Variants in DLGAP2 observed in about 807,000 individuals in gnomAD.
DLGAP2 encodes disks large-associated protein 2.
In DLGAP2, 26 loss-of-function variants were observed where a neutral mutation model predicts 100.3. The ratio of observed to expected loss-of-function variants is 0.26; its 90% CI spans 0.19 to 0.36. The LOEUF (loss-of-function observed/expected upper bound fraction) is 0.36. Among genes scored for constraint, DLGAP2 ranks in the 10% least tolerant of loss-of-function variants. The probability of loss-of-function intolerance (pLI) is 1.00; values close to 1 mark genes in which losing one functional copy is unlikely to be tolerated. For synonymous variants in DLGAP2, 886 were observed against 630.1 expected, an observed-to-expected ratio of 1.41 and a Z score of -6.08; for missense variants, 1,858 against 1,453.2, an observed-to-expected ratio of 1.28 and a Z score of -4.53.
intron 2 of DLGAP2, among the ~76,000 whole-genome samples, chr8:1,185,595 C>A (rs1240832903): frequency 6.6e-6 from 1 of 152,086 alleles, no homozygotes; most frequent in East Asian, 1.9e-4. Flanking sequence ...CTAATTCCAT[C>A]ATGCAAAATG....
intron 2 of DLGAP2, among the ~76,000 whole-genome samples, chr8:943,472 G>A (rs1257878392): frequency 2.6e-5 from 4 of 152,262 alleles, no homozygotes; most frequent in African/African-American, 9.6e-5. Context: ...GTGTGTGGAC[G>A]TCATGACGCG....
intron 3 of DLGAP2, among the ~76,000 whole-genome samples, chr8:1,326,802 C>T (rs1416088961): frequency 6.6e-6 from 1 of 152,252 alleles, no homozygotes; most frequent in African/African-American, 2.4e-5. Flanking sequence ...CATTTCTTCA[C>T]ATGACTCTGA....
intron 1 of DLGAP2, among the ~76,000 whole-genome samples, chr8:808,837 A>G (rs867758837): frequency 6.6e-5 from 10 of 151,948 alleles, no homozygotes; most frequent in Non-Finnish European, 1.2e-4. Context: ...TTTAGCCAGT[A>G]ATAACCCTTA....
rs1303328219 is a variant in DLGAP2 at position 1,501,449 on chromosome 8, GC to G, written c.172+22del. On this transcript the variant is annotated intron_variant, in intron 4 of 14. Coordinates refer to ENST00000637795, the MANE Select transcript of DLGAP2 (RefSeq NM_001346810.2). ...GGATCTAGGTAGAGTACAGACGTCA[GC>G]CCCGCTCTGGCGGGGCCCGGACAGA... 7 of 1,535,310 alleles carry G rather than the reference GC, an allele frequency of 4.6e-6. 1 individual carries two copies. Among genetic ancestry groups the G allele is most frequent in the Middle Eastern group, 1.7e-4 (1 of 5,868 alleles).
intron 3 of DLGAP2, among the ~76,000 whole-genome samples, chr8:1,366,047 C>T (rs764336884): frequency 3.3e-5 from 5 of 152,232 alleles, no homozygotes; most frequent in Non-Finnish European, 7.3e-5. Flanking sequence ...TCCCAGGAAC[C>T]GCAGCCGGGC....
intron 13 of DLGAP2, among the ~76,000 whole-genome samples, chr8:1,693,337 T>A (rs909640540): frequency 6.7e-6 from 1 of 150,280 alleles, no homozygotes; most frequent in Non-Finnish European, 1.5e-5. Context: ...TAAGTTTACA[T>A]ATACATGTTA....
chr8:1,700,083 C>A (rs7013580), intron 14 of DLGAP2, among the ~76,000 whole-genome samples: 1 of 151,968 alleles, frequency 6.6e-6, no homozygotes. Flanking sequence ...GGCCTAGTCA[C>A]GTAAAACAAG....
At chr8:1,489,170 A>G (rs1416477957) in intron 3 of DLGAP2, among the ~76,000 whole-genome samples, 2 of 152,230 alleles carry the variant, frequency 1.3e-5, no homozygotes, top group Non-Finnish European at 2.9e-5. Context: ...CCTGGGAAAC[A>G]ACATTCCATG....
chr8:1,290,037 T>C (rs530580610), intron 3 of DLGAP2, among the ~76,000 whole-genome samples: 9 of 152,246 alleles, frequency 5.9e-5, no homozygotes, highest in South Asian at 2.1e-4. Context: ...AACTAACCAC[T>C]GTTCAGGGTC....
At chr8:800,192 C>G (rs552336782) in intron 1 of DLGAP2, among the ~76,000 whole-genome samples, 2 of 152,174 alleles carry the variant, frequency 1.3e-5, no homozygotes, top group Non-Finnish European at 2.9e-5. Flanking sequence ...TGGGTCCTGC[C>G]AGGCTCCAGG....
chr8:1,606,704 A>G (rs1299313373), intron 6 of DLGAP2, among the ~76,000 whole-genome samples: 1 of 152,072 alleles, frequency 6.6e-6, no homozygotes, highest in African/African-American at 2.4e-5. Context: ...GTTTTCTGAG[A>G]TGAGGTCTCA....
intron 2 of DLGAP2, among the ~76,000 whole-genome samples, chr8:1,198,918 G>A (rs1797810839): frequency 1.3e-5 from 2 of 152,252 alleles, no homozygotes; most frequent in African/African-American, 2.4e-5. Context: ...GCGGGCGTGT[G>A]TGCCCGGGAC....
intron 4 of DLGAP2, among the ~76,000 whole-genome samples, chr8:1,534,181 C>T (rs536806266): frequency 2.6e-5 from 4 of 152,114 alleles, no homozygotes; most frequent in Admixed American, 1.3e-4. Context: ...AATTAAGGAG[C>T]CCCTGATCTT....
chr8:921,620 C>T (rs139435077), intron 2 of DLGAP2, among the ~76,000 whole-genome samples: 1 of 152,232 alleles, frequency 6.6e-6, no homozygotes, highest in Non-Finnish European at 1.5e-5. Context: ...CCTGGAGGAC[C>T]CTGGAAACTC....
chr8:1,609,613 A>C lies in DLGAP2; in HGVS notation c.1443-17127A>C, dbSNP rs1045379965. Reference sequence around the variant, plus strand: ...CTGGCAAGTTGGATAAAGAGTCAAGACCCATCAGTGTGCTGTATTCAGGAA... The same window carrying C: ...CTGGCAAGTTGGATAAAGAGTCAAGCCCCATCAGTGTGCTGTATTCAGGAA... On this transcript the variant is annotated intron_variant, in intron 6 of 14. Coordinates refer to ENST00000637795, the MANE Select transcript of DLGAP2 (RefSeq NM_001346810.2). 2.3e-4 allele frequency among the ~76,000 whole-genome samples: 28 copies of C among 124,132 alleles called. 1 individual carries two copies. Among genetic ancestry groups the C allele is most frequent in the Middle Eastern group, 3.8e-3 (1 of 260 alleles). The allele number at this position is 124,132 out of a possible 152,430, so 81.4% of individuals were successfully genotyped here.
intron 2 of DLGAP2, among the ~76,000 whole-genome samples, chr8:1,066,347 C>A (rs1435609334): frequency 1.3e-5 from 2 of 149,146 alleles, no homozygotes; most frequent in African/African-American, 5.0e-5. Context: ...CAGCTCCTCA[C>A]CACGGTCAGG....
At chr8:1,115,987 G>A (rs556198347) in intron 2 of DLGAP2, among the ~76,000 whole-genome samples, 6 of 152,278 alleles carry the variant, frequency 3.9e-5, no homozygotes, top group Admixed American at 2.0e-4. Context: ...CCCAGGAAAC[G>A]ATCCCAGCAG....
chr8:1,294,846 G>T (rs1800134026), intron 3 of DLGAP2, among the ~76,000 whole-genome samples: 1 of 150,768 alleles, frequency 6.6e-6, no homozygotes, highest in South Asian at 2.1e-4. Context: ...TCCAGCCTGG[G>T]CGACAGAGCA....
chr8:927,047 T>G, intron 2 of DLGAP2: 1 of 985,258 alleles, frequency 1.0e-6, no homozygotes, highest in Non-Finnish European at 1.2e-6. Flanking sequence ...ACTGGAGGCC[T>G]GGAGGAGCCG....
Sources: allele counts gnomAD v4.1 joint callset (sites outside exome capture counted in the v4.1 genomes callset), GRCh38; gene constraint gnomAD v4.1.1; transcripts MANE v1.5; gene names NCBI Gene and HGNC (gene_info 2026-07-23, HGNC 2026-07-21).